The following FAM184B variants were observed in gnomAD, a reference collection of about 807,000 sequenced individuals.
FAM184B encodes the protein protein FAM184B.
FAM184B carries 111 observed loss-of-function variants against 135.9 expected under a neutral mutation model. The observed-to-expected ratio is 0.82, with a 90% CI of 0.70 to 0.96. The LOEUF (loss-of-function observed/expected upper bound fraction) is 0.96. Ranked by LOEUF, FAM184B falls within the 40% of genes least tolerant of loss-of-function variation. FAM184B has a pLI of 0.00. For missense variants in FAM184B, 1,375 were observed against 1,323.9 expected (o/e 1.04, Z -0.60); for synonymous variants, 552 against 524.8 (o/e 1.05, Z -0.71).
At chr4:17,765,368 T>C (rs1158880093) in intron 1 of FAM184B, among the ~76,000 whole-genome samples, 2 of 152,076 alleles carry the variant, frequency 1.3e-5, no homozygotes, top group East Asian at 3.8e-4. Context: ...GTCTAGCAAA[T>C]AGAATCAAAC....
At chr4:17,691,408 G>A (rs562126856) in intron 6 of FAM184B, among the ~76,000 whole-genome samples, 1 of 152,308 alleles carries the variant, frequency 6.6e-6, no homozygotes, top group Non-Finnish European at 1.5e-5. Context: ...GCTCTGGGCT[G>A]GGCACGGTGG....
In FAM184B at chr4:17,629,683, T is replaced by TTCA. The variant is rs1714869046; in HGVS notation, c.*2846_*2848dup. On this transcript the variant is annotated 3_prime_UTR_variant, in exon 18 of 18. Transcript: ENST00000265018. ...TTAATCCCGAATTGGATAATTTCTC[T>TTCA]TCATCTTCACTGTCACCTCTACGCC... 6.6e-6 allele frequency: 1 copy of TTCA among 152,244 alleles called. No homozygotes were observed. Among genetic ancestry groups the TTCA allele is most frequent in the Non-Finnish European group, 1.5e-5 (1 of 68,048 alleles). 9.4% of individuals were successfully genotyped at this position (152,244 alleles called of 1,614,324 possible). A position where few individuals can be genotyped will look rare whatever the true frequency, so the allele number is the denominator to read the frequency against.
chr4:17,641,506 T>A (rs1477831491), intron 13 of FAM184B, among the ~76,000 whole-genome samples: 1 of 114,658 alleles, frequency 8.7e-6, no homozygotes, highest in East Asian at 2.7e-4. Context: ...TGAGACGGAG[T>A]CTTGCATTGT....
At chr4:17,748,266 C>T (rs757167414) in intron 1 of FAM184B, among the ~76,000 whole-genome samples, 2 of 151,968 alleles carry the variant, frequency 1.3e-5, no homozygotes, top group African/African-American at 4.8e-5. Context: ...TATTCCAGTA[C>T]ATTTCCCAGT....
At chr4:17,754,551 CAGA>C (rs762575102) in intron 1 of FAM184B, among the ~76,000 whole-genome samples, 74 of 129,278 alleles carry the variant, frequency 5.7e-4, no homozygotes, top group Non-Finnish European at 7.6e-4. Context: ...AACTCTGTCT[CAGA>C]AAAAAAAAAA....
intron 13 of FAM184B, among the ~76,000 whole-genome samples, chr4:17,641,622 GCA>G (rs1001626038): frequency 1.6e-5 from 2 of 124,784 alleles, no homozygotes; most frequent in African/African-American, 5.7e-5. Flanking sequence ...GGGATTACAG[GCA>G]CACACCACCA....
chr4:17,698,077 GA>G (rs886442153), intron 5 of FAM184B, among the ~76,000 whole-genome samples: 37 of 136,734 alleles, frequency 2.7e-4, no homozygotes, highest in African/African-American at 5.6e-4. Flanking sequence ...CAGGTAAAGA[GA>G]AAAAAAAAAA....
chr4:17,638,134 CTTTTTTTTTTTTTTTT>C (rs56926847), intron 14 of FAM184B, among the ~76,000 whole-genome samples: 16 of 73,418 alleles, frequency 2.2e-4, no homozygotes, highest in South Asian at 6.9e-4. Flanking sequence ...TAACTGTTTG[CTTTTTTTTTTTTTTTT>C]TTTTTTTTTT....
chr4:17,717,422 G>T (rs183524626), intron 1 of FAM184B, among the ~76,000 whole-genome samples: 3 of 152,068 alleles, frequency 2.0e-5, no homozygotes, highest in Non-Finnish European at 4.4e-5. Context: ...CTCACAGGTC[G>T]CTTGGCAACT....
At chr4:17,731,582 G>A (rs1344691760) in intron 1 of FAM184B, among the ~76,000 whole-genome samples, 1 of 152,092 alleles carries the variant, frequency 6.6e-6, no homozygotes, top group Non-Finnish European at 1.5e-5. Context: ...AGACAAAGAA[G>A]GCCATTACAT....
intron 1 of FAM184B, among the ~76,000 whole-genome samples, chr4:17,765,747 G>T (rs1718659486): frequency 6.6e-6 from 1 of 152,186 alleles, no homozygotes; most frequent in Admixed American, 6.5e-5. Context: ...TCACTGACTT[G>T]AAGAATAAAG....
chr4:17,682,302 A>T (rs1371354985), intron 7 of FAM184B, among the ~76,000 whole-genome samples: 9 of 152,164 alleles, frequency 5.9e-5, no homozygotes, highest in Non-Finnish European at 1.3e-4. Context: ...ATCTACGAGA[A>T]TCAAGGAGAC....
At chr4:17,705,471 C>G (rs1216432857) in intron 4 of FAM184B, among the ~76,000 whole-genome samples, 1 of 152,158 alleles carries the variant, frequency 6.6e-6, no homozygotes, top group African/African-American at 2.4e-5. Flanking sequence ...TAATGCTTTG[C>G]TTGTTTTGAC....
intron 1 of FAM184B, among the ~76,000 whole-genome samples, chr4:17,712,418 G>A (rs1446217984): frequency 2.0e-5 from 3 of 151,962 alleles, no homozygotes; most frequent in Admixed American, 6.6e-5. Context: ...TGCCAAACAC[G>A]ACACTGGCTG....
At chr4:17,681,358 C>T (rs545457445) in intron 7 of FAM184B, among the ~76,000 whole-genome samples, 7 of 152,198 alleles carry the variant, frequency 4.6e-5, no homozygotes, top group Non-Finnish European at 1.0e-4. Context: ...CTGGGTGGAA[C>T]CCATGTCCTA....
chr4:17,635,818 G>T (rs1439528384), intron 15 of FAM184B, among the ~76,000 whole-genome samples: 1 of 152,166 alleles, frequency 6.6e-6, no homozygotes, highest in Non-Finnish European at 1.5e-5. Context: ...GCAGGCCTTG[G>T]TTGGATACTG....
At chr4:17,748,993 A>AT (rs35520026) in intron 1 of FAM184B, among the ~76,000 whole-genome samples, 9,224 of 128,118 alleles carry the variant, frequency 0.072, 707 homozygotes, top group African/African-American at 0.19. Flanking sequence ...CACCCAGCTA[A>AT]TTTTTTTTTT....
At chr4:17,775,259 C>T (rs935548388) in intron 1 of FAM184B, among the ~76,000 whole-genome samples, 10 of 152,048 alleles carry the variant, frequency 6.6e-5, no homozygotes, top group Admixed American at 3.3e-4. Flanking sequence ...TGTCTTGGCT[C>T]ACTGCAACTT....
intron 7 of FAM184B, among the ~76,000 whole-genome samples, chr4:17,685,438 A>G (rs1716556552): frequency 6.6e-6 from 1 of 151,550 alleles, no homozygotes; most frequent in African/African-American, 2.4e-5. Flanking sequence ...AGTCCCAGCT[A>G]CTTGGGAGGC....
Sources: allele counts gnomAD v4.1 joint callset (sites outside exome capture counted in the v4.1 genomes callset), GRCh38; gene constraint gnomAD v4.1.1; transcripts MANE v1.5; gene names NCBI Gene and HGNC (gene_info 2026-07-23, HGNC 2026-07-21).